The following TMEM255B variants were observed in gnomAD, a reference collection of about 807,000 sequenced individuals.
The protein encoded by TMEM255B is transmembrane protein 255B, also known as family with sequence similarity 70, member B.
TMEM255B carries 35 observed loss-of-function variants against 34.5 expected under a neutral mutation model. That is an observed-to-expected ratio of 1.01 (90% CI 0.77 to 1.34). TMEM255B has a LOEUF of 1.34. TMEM255B is among the 40% of genes most tolerant of loss of function. The probability of loss-of-function intolerance (pLI) is 0.00; values close to 1 mark genes in which losing one functional copy is unlikely to be tolerated. For synonymous variants in TMEM255B, 206 were observed against 201.2 expected, an observed-to-expected ratio of 1.02 and a Z score of -0.20; for missense variants, 432 against 433.2, an observed-to-expected ratio of 1.00 and a Z score of 0.02.
intron 8 of TMEM255B, among the ~76,000 whole-genome samples, chr13:113,810,603 G>A (rs2051280149): frequency 1.3e-5 from 2 of 152,198 alleles, no homozygotes; most frequent in East Asian, 3.9e-4. Context: ...ACAGGGAGGG[G>A]GCAGGCTGGA....
At chr13:113,795,373 C>T (rs2050904051) in intron 4 of TMEM255B, 136 bp downstream of exon 4, 1 of 859,196 alleles carries the variant, frequency 1.2e-6, no homozygotes, top group Non-Finnish European at 1.8e-6. Flanking sequence ...TTGCCAGTGA[C>T]TGTCTCTCCT....
At chr13:113,807,264 G>A (rs1261874510) in intron 8 of TMEM255B, among the ~76,000 whole-genome samples, 2 of 152,066 alleles carry the variant, frequency 1.3e-5, no homozygotes, top group Non-Finnish European at 2.9e-5. Flanking sequence ...TGTGGGGGTG[G>A]TCCTTCCCGT....
At chr13:113,776,233 C>T (rs560978358) in intron 3 of TMEM255B, among the ~76,000 whole-genome samples, 6 of 152,288 alleles carry the variant, frequency 3.9e-5, no homozygotes, top group African/African-American at 7.2e-5. Flanking sequence ...GTGAGTGGAG[C>T]GACTTGGGGG....
In TMEM255B at chr13:113,804,909, G is replaced by A; in HGVS notation, c.694G>A (p.Gly232Ser). Residue 232 changes from glycine (G) to serine (S), a missense_variant, in exon 8 of 9, where the codon GGC (glycine) becomes AGC (serine). By Grantham distance (56) the Gly-to-Ser change is moderately conservative (BLOSUM62 0). Coordinates refer to ENST00000375353, the MANE Select transcript of TMEM255B (RefSeq NM_182614.4). ...GGTGCCTCTGTCCCAGCTGGCCTAT[G>A]GCCCAGCCGTCCCACCACAGACCCT... ...DMVPLSQLAY[G>S]PAVPPQTLYN... 1 of 1,602,216 alleles carries A rather than the reference G, an allele frequency of 6.2e-7. No individual in the cohort carries two copies. Among genetic ancestry groups the A allele is most frequent in the Non-Finnish European group, 8.5e-7 (1 of 1,179,150 alleles).
At chr13:113,776,679 C>T (rs565133452) in intron 3 of TMEM255B, among the ~76,000 whole-genome samples, 2 of 152,340 alleles carry the variant, frequency 1.3e-5, no homozygotes, top group South Asian at 2.1e-4. Context: ...TGCAGCCTCC[C>T]GGACACGTGG....
rs1566342299 is a variant in TMEM255B at position 113,812,982 on chromosome 13, T to TGGGTCACAGGCCCCGGGTGGGTCACAGGC, written c.*1079_*1080insGGGTCACAGGCCCCGGGTGGGTCACAGGC. 2.7e-5 allele frequency: 3 copies of TGGGTCACAGGCCCCGGGTGGGTCACAGGC among 110,700 alleles called. No individual in the cohort carries two copies. Among genetic ancestry groups the TGGGTCACAGGCCCCGGGTGGGTCACAGGC allele is most frequent in the Non-Finnish European group, 5.4e-5 (3 of 55,488 alleles). The allele number at this position is 110,700 out of a possible 1,614,324, so 6.9% of individuals were successfully genotyped here. A position where few individuals can be genotyped will look rare whatever the true frequency, so the allele number is the denominator to read the frequency against. ...TCACGGGCCCCGGGTGGGTCACGGG[T>TGGGTCACAGGCCCCGGGTGGGTCACAGGC]CCCGGGTGGGTCACGGGTCCCGAGT... On this transcript the variant is annotated 3_prime_UTR_variant, in exon 9 of 9. Transcript: ENST00000375353.
At chr13:113,768,593 C>T (rs777133023) in intron 2 of TMEM255B, among the ~76,000 whole-genome samples, 4 of 152,210 alleles carry the variant, frequency 2.6e-5, no homozygotes, top group African/African-American at 2.4e-5. Context: ...TCCCTGCTAA[C>T]GGTCTGCCCT....
intron 3 of TMEM255B, among the ~76,000 whole-genome samples, chr13:113,774,342 A>G (rs1284398564): frequency 1.3e-5 from 2 of 152,222 alleles, no homozygotes; most frequent in African/African-American, 4.8e-5. Context: ...TGAATGAGTT[A>G]CTGTTTCCTC....
intron 1 of TMEM255B, chr13:113,761,424 G>A: frequency 1.0e-6 from 1 of 958,684 alleles, no homozygotes; most frequent in Non-Finnish European, 1.2e-6. Context: ...AGGAAGGGGA[G>A]AGCAGGTGGG....
intron 3 of TMEM255B, among the ~76,000 whole-genome samples, chr13:113,785,070 G>A (rs1342881857): frequency 6.6e-6 from 1 of 152,264 alleles, no homozygotes; most frequent in African/African-American, 2.4e-5. Context: ...GTTTCTGGGT[G>A]GAGGAGAGTT....
At position 113,811,945 on chromosome 13, in the gene TMEM255B, T is replaced by TAAA. The variant is rs67868509; in HGVS notation, c.*48_*50dup. On this transcript the variant is annotated 3_prime_UTR_variant, in exon 9 of 9. Transcript: ENST00000375353. The stretch of plus-strand genomic sequence containing the variant: ...AAGATAACTTGTTTGTTTTTTTTTT[T>TAAA]AAAAAAAAGGCAGCCTCTAGAAATC... 101,930 of 1,492,726 alleles carry TAAA rather than the reference T, an allele frequency of 0.068. 2,505 individuals are homozygous for TAAA. Among genetic ancestry groups the TAAA allele is most frequent in the Admixed American group, 0.16 (7,107 of 43,882 alleles). 92.5% of individuals were successfully genotyped at this position (1,492,726 alleles called of 1,614,324 possible).
intron 3 of TMEM255B, among the ~76,000 whole-genome samples, chr13:113,786,698 G>T (rs370333692): frequency 6.6e-6 from 1 of 152,106 alleles, no homozygotes; most frequent in Non-Finnish European, 1.5e-5. Flanking sequence ...CGTCATCACT[G>T]TCGTCACTAG....
intron 8 of TMEM255B, among the ~76,000 whole-genome samples, chr13:113,810,928 C>T (rs2051285435): frequency 6.6e-6 from 1 of 152,114 alleles, no homozygotes; most frequent in Non-Finnish European, 1.5e-5. Flanking sequence ...AGCCCAGGGG[C>T]CCCAGGCCTG....
In TMEM255B at chr13:113,769,035, G is replaced by A; in HGVS notation, c.190-63G>A. 6.3e-7 allele frequency: 1 copy of A among 1,577,574 alleles called. No homozygotes were observed. Among genetic ancestry groups the A allele is most frequent in the Non-Finnish European group, 8.7e-7 (1 of 1,147,374 alleles). On this transcript the variant is annotated intron_variant, in intron 2 of 8. Coordinates refer to ENST00000375353, the MANE Select transcript of TMEM255B (RefSeq NM_182614.4). This position sits in a 1 kb window ranked among gnomAD's most constrained non-coding sequence, Gnocchi z 4.2. ...GAGGGCGGGATTATTTGCTTTAAAT[G>A]TCAGTGTTAAGCTTCTAGGCACGTT... is the stretch of plus-strand genomic sequence containing the variant.
At chr13:113,791,719 C>A (rs2050835953) in intron 3 of TMEM255B, among the ~76,000 whole-genome samples, 2 of 152,232 alleles carry the variant, frequency 1.3e-5, no homozygotes, top group Admixed American at 1.3e-4. Flanking sequence ...AGCGAAAGAA[C>A]TTTGGAAGCT....
chr13:113,759,492 G>C (rs955651090), intron 1 of TMEM255B, among the ~76,000 whole-genome samples, 177 bp downstream of exon 1: 2 of 152,230 alleles, frequency 1.3e-5, no homozygotes, highest in African/African-American at 4.8e-5. Context: ...TTCGCACTGG[G>C]GTCGGGCGTT....
At chr13:113,765,756 A>T (rs2050377555) in intron 1 of TMEM255B, among the ~76,000 whole-genome samples, 1 of 152,226 alleles carries the variant, frequency 6.6e-6, no homozygotes, top group Non-Finnish European at 1.5e-5. Context: ...TGGTAATGAT[A>T]AAACAGTAAA....
chr13:113,766,898 A>G (rs1330022873), intron 2 of TMEM255B, among the ~76,000 whole-genome samples: 1 of 152,232 alleles, frequency 6.6e-6, no homozygotes, highest in Non-Finnish European at 1.5e-5. Flanking sequence ...GGTCACCCAG[A>G]TTCAAAAGTA....
intron 7 of TMEM255B, 81 bp downstream of exon 7, chr13:113,801,893 C>T: frequency 2.8e-6 from 4 of 1,419,624 alleles, no homozygotes; most frequent in East Asian, 2.5e-5. Context: ...GCTGGGGGGC[C>T]TCCAGCCCTC....
Sources: gnomAD v4.1 joint callset for allele counts (sites outside exome capture counted in the v4.1 genomes callset) on GRCh38, gnomAD v4.1.1 for gene constraint, Gnocchi (gnomAD v3.1) non-coding constraint, MANE v1.5 for transcripts, NCBI Gene and HGNC (gene_info 2026-07-23, HGNC 2026-07-21) for gene names.